INPP4B: variants seen among roughly 807,000 people sequenced by gnomAD.
INPP4B encodes inositol polyphosphate 4-phosphatase type II.
Under a neutral mutation model 122.5 loss-of-function variants are expected in INPP4B, and 55 were observed. The observed-to-expected ratio is 0.45, with a 90% CI of 0.36 to 0.56. The LOEUF (loss-of-function observed/expected upper bound fraction) is 0.56, where lower values mean the gene tolerates loss of function less well. Ranked by LOEUF, INPP4B falls within the 20% of genes least tolerant of loss-of-function variation. The pLI is 0.00. For missense variants in INPP4B, 1,000 were observed against 1,097.7 expected (o/e 0.91, Z 1.26); for synonymous variants, 403 against 388.7 (o/e 1.04, Z -0.43).
At chr4:142,233,770 A>T (rs1277979364) in intron 12 of INPP4B, among the ~76,000 whole-genome samples, 1 of 152,054 alleles carries the variant, frequency 6.6e-6, no homozygotes, top group Non-Finnish European at 1.5e-5. Flanking sequence ...GCCTAATTTA[A>T]TTCTTACATT....
At chr4:142,302,207 A>G (rs1219785535) in intron 9 of INPP4B, among the ~76,000 whole-genome samples, 1 of 152,040 alleles carries the variant, frequency 6.6e-6, no homozygotes, top group Non-Finnish European at 1.5e-5. Context: ...TTCCATCATG[A>G]TTAACATTCC....
At chr4:142,081,289 G>A (rs1334982263) in intron 25 of INPP4B, among the ~76,000 whole-genome samples, 1 of 152,188 alleles carries the variant, frequency 6.6e-6, no homozygotes, top group Admixed American at 6.6e-5. Flanking sequence ...AGGCTTTGCA[G>A]CAAAGAGACA....
At chr4:142,503,538 G>A (rs1823647499) in intron 2 of INPP4B, among the ~76,000 whole-genome samples, 1 of 151,946 alleles carries the variant, frequency 6.6e-6, no homozygotes, top group Non-Finnish European at 1.5e-5. Flanking sequence ...CAAATAAGAA[G>A]GTCTTTAGTT....
chr4:142,809,394 T>C (rs1160064961), intron 1 of INPP4B, among the ~76,000 whole-genome samples: 2 of 152,116 alleles, frequency 1.3e-5, no homozygotes, highest in Non-Finnish European at 2.9e-5. Context: ...TTTCACTCTT[T>C]GAAAAAACAA....
chr4:142,827,768 A>G (rs1239834725), intron 1 of INPP4B, among the ~76,000 whole-genome samples: 1 of 152,180 alleles, frequency 6.6e-6, no homozygotes, highest in Non-Finnish European at 1.5e-5. Context: ...AGACACGTTA[A>G]TGGTCCTTTC....
chr4:142,839,443 AAC>A (rs1436275134), intron 1 of INPP4B, among the ~76,000 whole-genome samples: 1 of 150,878 alleles, frequency 6.6e-6, no homozygotes, highest in Admixed American at 6.6e-5. Flanking sequence ...CAACAACAAC[AAC>A]AAAAAAAATG....
chr4:142,463,335 G>A (rs2149605208), intron 2 of INPP4B, among the ~76,000 whole-genome samples: 1 of 152,278 alleles, frequency 6.6e-6, no homozygotes, highest in East Asian at 1.9e-4. Context: ...TTATGTGAGT[G>A]ACATCTAATA....
chr4:142,294,654 AT>A (rs1561774202), intron 9 of INPP4B, among the ~76,000 whole-genome samples: 2 of 151,612 alleles, frequency 1.3e-5, no homozygotes, highest in African/African-American at 4.8e-5. Context: ...TCCCAGAGAA[AT>A]AAAGGAACTC....
At chr4:142,784,048 A>G (rs891306464) in intron 1 of INPP4B, among the ~76,000 whole-genome samples, 1 of 152,126 alleles carries the variant, frequency 6.6e-6, no homozygotes, top group East Asian at 1.9e-4. Flanking sequence ...TAGGGCAAGT[A>G]AAAAAACTGA....
chr4:142,342,744 A>T (rs1273914849), intron 7 of INPP4B, among the ~76,000 whole-genome samples: 1 of 152,176 alleles, frequency 6.6e-6, no homozygotes, highest in African/African-American at 2.4e-5. Context: ...AATTTTCCCA[A>T]AAAAGCATTC....
intron 12 of INPP4B, among the ~76,000 whole-genome samples, chr4:142,234,992 T>C (rs560941572): frequency 6.6e-6 from 1 of 152,340 alleles, no homozygotes; most frequent in South Asian, 2.1e-4. Context: ...ACAGTGGCTA[T>C]GCCTACAAAA....
intron 23 of INPP4B, among the ~76,000 whole-genome samples, chr4:142,107,429 T>C (rs913631005): frequency 6.6e-6 from 1 of 152,172 alleles, no homozygotes; most frequent in Non-Finnish European, 1.5e-5. Flanking sequence ...TTATACTATT[T>C]ATAGATGAAT....
intron 2 of INPP4B, among the ~76,000 whole-genome samples, chr4:142,580,067 G>A (rs1734744343): frequency 1.3e-5 from 2 of 151,282 alleles, no homozygotes; most frequent in Middle Eastern, 3.4e-3. Context: ...GCAATGGGGT[G>A]GAGGGAGCTG....
Position 142,448,329 on chromosome 4 carries a change from CAAAAAAAAAAAAA to C in INPP4B, c.-127+14321_-127+14333del, listed in dbSNP as rs71586289. ...TCAATTATTATTTCCTATCCATCTCCAAAAAAAAAAAAAAAAAAAAAAAACACCGAGCAAGTCT... is the reference window on the plus strand; with the variant it reads ...TCAATTATTATTTCCTATCCATCTCCAAAAAAAAAAACACCGAGCAAGTCT... On this transcript the variant is annotated intron_variant, in intron 3 of 25. Coordinates refer to ENST00000262992, the MANE Select transcript of INPP4B (RefSeq NM_001101669.3). Among the ~76,000 whole-genome samples, 5 of 61,994 alleles carry C rather than the reference CAAAAAAAAAAAAA, an allele frequency of 8.1e-5. No homozygotes were observed. The South Asian group carries it at 3.2e-3, about 39-fold the overall frequency. The allele number at this position is 61,994 out of a possible 152,430, so 40.7% of individuals were successfully genotyped here.
At chr4:142,364,361 A>T (rs1786631757) in intron 7 of INPP4B, among the ~76,000 whole-genome samples, 2 of 152,000 alleles carry the variant, frequency 1.3e-5, no homozygotes, top group Non-Finnish European at 2.9e-5. Flanking sequence ...TGAAGAGGTC[A>T]TCAAAAGCCA....
chr4:142,473,094 G>C (rs1201586262), intron 2 of INPP4B, among the ~76,000 whole-genome samples: 3 of 152,108 alleles, frequency 2.0e-5, no homozygotes, highest in African/African-American at 7.2e-5. Context: ...AGATCCCTTA[G>C]GACATTAGCT....
chr4:142,376,017 A>T (rs1027887379), intron 7 of INPP4B, among the ~76,000 whole-genome samples: 2 of 151,970 alleles, frequency 1.3e-5, no homozygotes, highest in African/African-American at 4.8e-5. Flanking sequence ...TTCTACATGG[A>T]TATCCATCTG....
chr4:142,821,280 T>C (rs1420639625), intron 1 of INPP4B, among the ~76,000 whole-genome samples: 2 of 152,112 alleles, frequency 1.3e-5, no homozygotes, highest in African/African-American at 2.4e-5. Flanking sequence ...TTATTTGATT[T>C]ATATACTATT....
intron 1 of INPP4B, among the ~76,000 whole-genome samples, chr4:142,811,083 T>C (rs1779459225): frequency 6.6e-6 from 1 of 152,198 alleles, no homozygotes; most frequent in Non-Finnish European, 1.5e-5. Flanking sequence ...ATTCTACACT[T>C]ACTGTCTTAT....
Sources: gnomAD v4.1 joint callset for allele counts (sites outside exome capture counted in the v4.1 genomes callset) on GRCh38, gnomAD v4.1.1 for gene constraint, MANE v1.5 for transcripts, NCBI Gene and HGNC (gene_info 2026-07-23, HGNC 2026-07-21) for gene names.